CASK: variants seen among roughly 807,000 people sequenced by gnomAD.
CASK encodes peripheral plasma membrane protein CASK.
A neutral mutation model predicts 82.9 loss-of-function variants in CASK; 4 were observed. The observed-to-expected ratio is 0.05, with a 90% CI of 0.02 to 0.11. The LOEUF is 0.11. Among genes scored for constraint, CASK ranks in the 10% least tolerant of loss-of-function variants. CASK has a pLI of 1.00. For synonymous variants in CASK, 259 were observed against 253.5 expected (o/e 1.02, Z -0.20); for missense variants, 358 against 720.9 (o/e 0.50, Z 5.76).
chrX:41,646,243 C>T (rs2066756620), intron 8 of CASK, among the ~76,000 whole-genome samples: 1 of 110,936 alleles, frequency 9.0e-6, no homozygotes, highest in African/African-American at 3.3e-5. Flanking sequence ...AAACCATGCC[C>T]TAAAAATTTT....
chrX:41,907,911 C>T (rs1334159372), intron 1 of CASK, among the ~76,000 whole-genome samples: 3 of 111,550 alleles, frequency 2.7e-5, no homozygotes, highest in East Asian at 2.8e-4. Context: ...ACCTAGTTCC[C>T]GCGCATGTGC....
At chrX:41,884,303 G>C (rs1405361889) in intron 1 of CASK, among the ~76,000 whole-genome samples, 3 of 111,776 alleles carry the variant, frequency 2.7e-5, no homozygotes, top group Non-Finnish European at 5.6e-5. Context: ...ATGAAGGAGG[G>C]GGCAGTTTGT....
At chrX:41,685,330 C>T (rs2067424082) in intron 5 of CASK, among the ~76,000 whole-genome samples, 1 of 112,108 alleles carries the variant, frequency 8.9e-6, no homozygotes, top group African/African-American at 3.2e-5. Context: ...TTTTCTTCCC[C>T]ATTGGTAACT....
At chrX:41,667,297 A>G (rs2067132685) in intron 6 of CASK, among the ~76,000 whole-genome samples, 1 of 111,820 alleles carries the variant, frequency 8.9e-6, no homozygotes, top group African/African-American at 3.2e-5. Flanking sequence ...GTAAATCAGT[A>G]GAAGGTAAAA....
At chrX:41,562,157 ATCTAC>A (rs1225923727) in intron 16 of CASK, 10 of 113,260 alleles carry the variant, frequency 8.8e-5, no homozygotes, top group Non-Finnish European at 1.7e-4. Context: ...TGCTATCGTT[ATCTAC>A]CAGATATGAT....
chrX:41,817,083 C>T (rs748211191), intron 2 of CASK, among the ~76,000 whole-genome samples: 3 of 111,706 alleles, frequency 2.7e-5, no homozygotes, highest in South Asian at 3.7e-4. Flanking sequence ...TTGATCACTA[C>T]AAAATTAATC....
At chrX:41,812,609 C>G (rs1283383800) in intron 2 of CASK, among the ~76,000 whole-genome samples, 1 of 111,241 alleles carries the variant, frequency 9.0e-6, no homozygotes, top group Non-Finnish European at 1.9e-5. Context: ...TAAGAGCTAT[C>G]TATGACAAAC....
At chrX:41,649,660 G>A (rs1421871796) in intron 8 of CASK, among the ~76,000 whole-genome samples, 1 of 111,768 alleles carries the variant, frequency 8.9e-6, no homozygotes, top group Non-Finnish European at 1.9e-5. Flanking sequence ...GCTGAGGAGT[G>A]CTTTACTTCC....
intron 8 of CASK, among the ~76,000 whole-genome samples, chrX:41,648,091 C>T (rs760269448): frequency 8.9e-6 from 1 of 111,894 alleles, no homozygotes; most frequent in South Asian, 3.7e-4. Flanking sequence ...GGAGAAATAT[C>T]GCTGAATTCT....
intron 5 of CASK, among the ~76,000 whole-genome samples, chrX:41,678,067 A>G (rs766694838): frequency 9.8e-5 from 11 of 112,570 alleles, no homozygotes; most frequent in East Asian, 8.3e-4. Flanking sequence ...TAAGTCCAAC[A>G]AAATGAGCAA....
At chrX:41,614,588 C>T (rs2066162392) in intron 11 of CASK, among the ~76,000 whole-genome samples, 1 of 106,212 alleles carries the variant, frequency 9.4e-6, no homozygotes, top group Non-Finnish European at 1.9e-5. Flanking sequence ...GTGGCATGAT[C>T]TTGGCTCACT....
In CASK at chrX:41,637,378, CTTTTTTTTTTTTT is replaced by C. The variant is rs758261036; in HGVS notation, c.832-730_832-718del. Among the ~76,000 whole-genome samples the C allele has an allele frequency of 8.0e-3, 294 of 36,893 alleles. 2 individuals carry two copies. Among genetic ancestry groups the C allele is most frequent in the African/African-American group, 0.016 (124 of 7,716 alleles). 32.0% of individuals were successfully genotyped at this position (36,893 alleles called of 115,157 possible). A position where few individuals can be genotyped will look rare whatever the true frequency, so the allele number is the denominator to read the frequency against. ...TACAGACTCTTCTAATTAGGACACG[CTTTTTTTTTTTTT>C]TTTTTTTTTTTTTTTTTTTGAGACA... On this transcript the variant is annotated intron_variant, in intron 8 of 26. Coordinates refer to ENST00000378163, the MANE Select transcript of CASK (RefSeq NM_001367721.1).
At chrX:41,659,816 T>G (rs1397702013) in intron 8 of CASK, among the ~76,000 whole-genome samples, 1 of 109,607 alleles carries the variant, frequency 9.1e-6, no homozygotes, top group African/African-American at 3.3e-5. Flanking sequence ...CTGGGCGACA[T>G]GGTGAAACCC....
chrX:41,773,155 G>A (rs1283537439), intron 3 of CASK, among the ~76,000 whole-genome samples: 1 of 109,864 alleles, frequency 9.1e-6, no homozygotes, highest in Non-Finnish European at 1.9e-5. Context: ...GAGGCTGGGC[G>A]GACAGATCAC....
chrX:41,581,491 C>T (rs986850649), intron 14 of CASK, among the ~76,000 whole-genome samples: 1 of 109,803 alleles, frequency 9.1e-6, no homozygotes, highest in Non-Finnish European at 1.9e-5. Context: ...TTGGGTAATT[C>T]AATGTTAAAT....
At chrX:41,696,128 A>T in intron 5 of CASK, 1 of 1,207,726 alleles carries the variant, frequency 8.3e-7, no homozygotes, top group Non-Finnish European at 1.1e-6. Flanking sequence ...AACGGAAGGC[A>T]ATAACAACCA....
At chrX:41,623,044 C>G (rs1278356610) in intron 10 of CASK, among the ~76,000 whole-genome samples, 1 of 109,760 alleles carries the variant, frequency 9.1e-6, no homozygotes, top group Non-Finnish European at 1.9e-5. Flanking sequence ...CAGGCACATG[C>G]CATCACGCCC....
intron 2 of CASK, among the ~76,000 whole-genome samples, chrX:41,808,712 CGGACAGTGGGTGCA>C (rs1243772450): frequency 1.8e-5 from 2 of 112,125 alleles, no homozygotes; most frequent in Admixed American, 9.4e-5. Flanking sequence ...TGGGGCTTGT[CGGACAGTGGGTGCA>C]GGACAGTGGG....
At chrX:41,751,387 C>A (rs2068785365) in intron 3 of CASK, among the ~76,000 whole-genome samples, 1 of 111,426 alleles carries the variant, frequency 9.0e-6, no homozygotes, top group Non-Finnish European at 1.9e-5. Flanking sequence ...AGCCATTGTG[C>A]CCAGTCAAAC....
Sources: allele counts gnomAD v4.1 joint callset (sites outside exome capture counted in the v4.1 genomes callset), GRCh38; gene constraint gnomAD v4.1.1; transcripts MANE v1.5; gene names NCBI Gene and HGNC (gene_info 2026-07-23, HGNC 2026-07-21).